Variants in ITPRID1 observed in about 807,000 individuals in gnomAD.
ITPRID1 encodes protein ITPRID1.
In ITPRID1, 96 loss-of-function variants were observed where a neutral mutation model predicts 95.4. The ratio of observed to expected loss-of-function variants is 1.01; its 90% CI spans 0.85 to 1.19. ITPRID1 has a LOEUF of 1.19. Ranked by LOEUF, ITPRID1 falls within the 50% of genes most tolerant of loss-of-function variation. The probability of loss-of-function intolerance (pLI) is 0.00; values close to 1 mark genes in which losing one functional copy is unlikely to be tolerated. For missense variants in ITPRID1, 1,339 were observed against 1,252.9 expected (o/e 1.07, Z -1.04); for synonymous variants, 510 against 453.6 (o/e 1.12, Z -1.58).
chr7:31,604,635 A>C (rs903139527), intron 10 of ITPRID1, among the ~76,000 whole-genome samples: 1 of 152,222 alleles, frequency 6.6e-6, no homozygotes, highest in Non-Finnish European at 1.5e-5. Context: ...AGTAATAAGC[A>C]GTCTAAACCA....
intron 11 of ITPRID1, 83 bp downstream of exon 11, chr7:31,642,341 C>G: frequency 1.1e-6 from 1 of 918,460 alleles, no homozygotes; most frequent in Non-Finnish European, 1.6e-6. Context: ...ACCCAAACCT[C>G]ACTCACAGCT....
intron 3 of ITPRID1, among the ~76,000 whole-genome samples, chr7:31,554,197 C>T (rs768902958): frequency 6.6e-6 from 1 of 152,150 alleles, no homozygotes; most frequent in Non-Finnish European, 1.5e-5. Flanking sequence ...ATTCTAACAT[C>T]TCTCGTTCTT....
chr7:31,596,190 AT>A (rs1786082955), intron 10 of ITPRID1, among the ~76,000 whole-genome samples: 1 of 151,444 alleles, frequency 6.6e-6, no homozygotes, highest in Non-Finnish European at 1.5e-5. Flanking sequence ...AGCTAATACC[AT>A]AGGGGAAAAA....
chr7:31,560,269 G>T (rs1206820217), intron 5 of ITPRID1, among the ~76,000 whole-genome samples: 2 of 152,152 alleles, frequency 1.3e-5, no homozygotes, highest in East Asian at 3.9e-4. Context: ...AGAGTAGAGG[G>T]CTAGGGGTTA....
At chr7:31,539,791 G>C (rs538023233) in intron 1 of ITPRID1, among the ~76,000 whole-genome samples, 2 of 152,058 alleles carry the variant, frequency 1.3e-5, no homozygotes, top group Admixed American at 1.3e-4. Context: ...GTTTCTGTGT[G>C]GGGGAGAAGT....
chr7:31,593,892 A>G (rs1308753491), intron 10 of ITPRID1, among the ~76,000 whole-genome samples: 4 of 152,208 alleles, frequency 2.6e-5, no homozygotes, highest in African/African-American at 9.7e-5. Context: ...ATAATTTAAT[A>G]TGTGTTCATA....
At chr7:31,531,080 T>C (rs949485205) in intron 1 of ITPRID1, among the ~76,000 whole-genome samples, 1 of 152,220 alleles carries the variant, frequency 6.6e-6, no homozygotes, top group Non-Finnish European at 1.5e-5. Flanking sequence ...TCCAGGACTT[T>C]AGAGGGAGCC....
intron 10 of ITPRID1, among the ~76,000 whole-genome samples, chr7:31,625,624 G>C (rs1788383270): frequency 6.6e-6 from 1 of 152,064 alleles, no homozygotes; most frequent in Non-Finnish European, 1.5e-5. Flanking sequence ...GACTGTTGTG[G>C]GGTGGGAGGA....
At chr7:31,644,505 T>C (rs150547231) in intron 12 of ITPRID1, among the ~76,000 whole-genome samples, 19 of 152,330 alleles carry the variant, frequency 1.2e-4, no homozygotes, top group African/African-American at 4.1e-4. Flanking sequence ...GTTACTCTTA[T>C]AATCAATTTT....
intron 5 of ITPRID1, among the ~76,000 whole-genome samples, chr7:31,559,476 C>T (rs1449470954): frequency 6.6e-6 from 1 of 152,096 alleles, no homozygotes; most frequent in Non-Finnish European, 1.5e-5. Context: ...GCCTGGCCAA[C>T]ATGGCAAAAT....
chr7:31,602,725 G>A (rs373987624), intron 10 of ITPRID1, among the ~76,000 whole-genome samples: 1 of 152,096 alleles, frequency 6.6e-6, no homozygotes, highest in Non-Finnish European at 1.5e-5. Context: ...ATTCCTGCCC[G>A]GTGGCCTCAG....
chr7:31,598,570 C>A (rs910574773), intron 10 of ITPRID1, among the ~76,000 whole-genome samples: 22 of 151,736 alleles, frequency 1.4e-4, no homozygotes, highest in African/African-American at 4.1e-4. Flanking sequence ...CGCCCGGCTA[C>A]TTTTTTGTAT....
At chr7:31,587,720 C>T (rs929030774) in intron 10 of ITPRID1, among the ~76,000 whole-genome samples, 2 of 151,326 alleles carry the variant, frequency 1.3e-5, no homozygotes, top group South Asian at 4.2e-4. Context: ...GGAGGCATCA[C>T]ACTACCTGAC....
Position 31,577,967 on chromosome 7 carries a change from GGA to G in ITPRID1, c.709_710del (p.Ser237CysfsTer18). 1.9e-6 allele frequency: 3 copies of G among 1,613,718 alleles called. No individual in the cohort carries two copies. Among genetic ancestry groups the G allele is most frequent in the South Asian group, 2.2e-5 (2 of 91,054 alleles). On this transcript the variant is annotated frameshift_variant, in exon 9 of 15. Coordinates refer to ENST00000615280, the MANE Select transcript of ITPRID1 (RefSeq NM_001257967.3). LOFTEE classifies it high-confidence loss of function. ...LPNRAEEKAG[G>X]ESVQRTSVSA... ...AAACAGAGCTGAAGAGAAAGCTGGA[GGA>G]GAGAGTGTGCAAAGAACCTCAGTGA...
intron 5 of ITPRID1, among the ~76,000 whole-genome samples, chr7:31,565,393 T>G (rs1053569370): frequency 1.3e-5 from 2 of 152,248 alleles, no homozygotes; most frequent in African/African-American, 4.8e-5. Context: ...TATGTCTGAA[T>G]GTACTGTCTT....
rs186789215 is a variant in ITPRID1 at position 31,578,088 on chromosome 7, A to G, written c.824A>G (p.Glu275Gly). The G allele has an allele frequency of 2.2e-4, 354 of 1,613,762 alleles. No homozygotes were observed. The African/African-American group carries it at 4.1e-3, about 19-fold the overall frequency. Residue 275 changes from glutamate to glycine, a missense_variant, in exon 9 of 15, where the codon GAG becomes GGG. By Grantham distance (98) the Glu-to-Gly change is moderately conservative (BLOSUM62 -2). Transcript: ENST00000615280. ...CGGGATTGTAACCCAGAGGTATCAGAGTCCTTCAAGGTGAAGGATGAAGTT... is the reference window on the plus strand; with the variant it reads ...CGGGATTGTAACCCAGAGGTATCAGGGTCCTTCAAGGTGAAGGATGAAGTT... ...IRRDCNPEVS[E>G]SFKVKDEVFV...
intron 10 of ITPRID1, among the ~76,000 whole-genome samples, chr7:31,618,948 G>A (rs913110491): frequency 6.6e-6 from 1 of 152,224 alleles, no homozygotes; most frequent in Non-Finnish European, 1.5e-5. Flanking sequence ...GAGAGAGTAG[G>A]TGACTCAAAG....
At chr7:31,587,587 G>A (rs1785672900) in intron 10 of ITPRID1, among the ~76,000 whole-genome samples, 2 of 149,664 alleles carry the variant, frequency 1.3e-5, no homozygotes, top group South Asian at 4.3e-4. Flanking sequence ...CAGATTCAAT[G>A]CCATCCCCAT....
Position 31,564,789 on chromosome 7 carries a change from C to G in ITPRID1, c.257-4969C>G, listed in dbSNP as rs186781866. On this transcript the variant is annotated intron_variant, in intron 5 of 14. Coordinates refer to ENST00000615280, the MANE Select transcript of ITPRID1 (RefSeq NM_001257967.3). Reference sequence around the variant, plus strand: ...ATAGAAGCAAGTGGGATAGCGACGGCAGAAAATTGGAGAGCAGGTTGCCTT... The same window carrying G: ...ATAGAAGCAAGTGGGATAGCGACGGGAGAAAATTGGAGAGCAGGTTGCCTT... Among the ~76,000 whole-genome samples the G allele has an allele frequency of 4.6e-5, 7 of 152,224 alleles. No homozygotes were observed. The East Asian group carries it at 1.4e-3, about 29-fold the overall frequency.
Sources: allele counts gnomAD v4.1 joint callset (sites outside exome capture counted in the v4.1 genomes callset), GRCh38; gene constraint gnomAD v4.1.1; transcripts MANE v1.5; gene names NCBI Gene and HGNC (gene_info 2026-07-23, HGNC 2026-07-21).